DCC: variants seen among roughly 807,000 people sequenced by gnomAD.
DCC encodes the protein DCC netrin 1 receptor, also known as netrin receptor DCC.
DCC carries 58 observed loss-of-function variants against 172.5 expected under a neutral mutation model. The observed-to-expected ratio is 0.34, with a 90% CI of 0.27 to 0.42. DCC has a LOEUF of 0.42. Among genes scored for constraint, DCC ranks in the 10% least tolerant of loss-of-function variants. The pLI, the probability that DCC is intolerant of heterozygous loss-of-function variation, is 1.00. For missense variants in DCC, 1,740 were observed against 1,791.0 expected, an observed-to-expected ratio of 0.97 and a Z score of 0.51; for synonymous variants, 709 against 644.5, an observed-to-expected ratio of 1.10 and a Z score of -1.52.
At chr18:53,495,395 A>AC in intron 26 of DCC, among the ~76,000 whole-genome samples, 1 of 151,016 alleles carries the variant, frequency 6.6e-6, no homozygotes, top group Middle Eastern at 3.5e-3. Flanking sequence ...ATCTCAAAAA[A>AC]AAAAAAAAAA....
At chr18:52,373,097 A>G (rs191956273) in intron 1 of DCC, among the ~76,000 whole-genome samples, 1 of 152,088 alleles carries the variant, frequency 6.6e-6, no homozygotes, top group Non-Finnish European at 1.5e-5. Flanking sequence ...CAGATTTTTT[A>G]AAAAAATGTA....
chr18:52,373,850 C>T (rs1005930567), intron 1 of DCC, among the ~76,000 whole-genome samples: 1 of 149,734 alleles, frequency 6.7e-6, no homozygotes, highest in Admixed American at 6.6e-5. Context: ...AATAAGAAAA[C>T]AATCACTTGG....
chr18:53,407,532 T>G lies in DCC; in HGVS notation c.2936-2920T>G, dbSNP rs1348404615. Among the ~76,000 whole-genome samples, 62 of 115,670 alleles carry G rather than the reference T, an allele frequency of 5.4e-4. 1 individual carries two copies. Among genetic ancestry groups the G allele is most frequent in the African/African-American group, 3.8e-3 (61 of 16,170 alleles). 75.9% of individuals were successfully genotyped at this position (115,670 alleles called of 152,430 possible). A position where few individuals can be genotyped will look rare whatever the true frequency, so the allele number is the denominator to read the frequency against. ...TCTCCAGTGATTTTTATTCTGGATA[T>G]ATATATATATATATATATATATATT... On this transcript the variant is annotated intron_variant, in intron 19 of 28. Coordinates refer to ENST00000442544, the MANE Select transcript of DCC (RefSeq NM_005215.4).
At chr18:52,492,573 C>T (rs182922207) in intron 1 of DCC, among the ~76,000 whole-genome samples, 1 of 151,768 alleles carries the variant, frequency 6.6e-6, no homozygotes, top group East Asian at 1.9e-4. Context: ...TTCATGATTT[C>T]TCCTTGCTGA....
At chr18:53,147,892 T>C (rs1461759965) in intron 7 of DCC, among the ~76,000 whole-genome samples, 1 of 152,214 alleles carries the variant, frequency 6.6e-6, no homozygotes, top group Non-Finnish European at 1.5e-5. Context: ...GCCATTTTAA[T>C]GAGTTGCCTA....
At chr18:52,507,882 C>A (rs1314256817) in intron 1 of DCC, among the ~76,000 whole-genome samples, 1 of 152,068 alleles carries the variant, frequency 6.6e-6, no homozygotes, top group East Asian at 1.9e-4. Context: ...AGGTGGATCA[C>A]CTGAGGTCAG....
At chr18:53,070,563 G>A (rs982241863) in intron 7 of DCC, among the ~76,000 whole-genome samples, 2 of 152,066 alleles carry the variant, frequency 1.3e-5, no homozygotes, top group African/African-American at 4.8e-5. Context: ...GATTTGTTTA[G>A]GTCTATGTGA....
chr18:53,252,303 T>G (rs76520822), intron 12 of DCC, among the ~76,000 whole-genome samples: 2,354 of 151,806 alleles, frequency 0.016, 55 homozygotes, highest in African/African-American at 0.053. Flanking sequence ...CAGAATAAAA[T>G]AGAAATAAAG....
chr18:53,381,296 C>A (rs548464909), intron 15 of DCC, among the ~76,000 whole-genome samples: 122 of 151,884 alleles, frequency 8.0e-4, no homozygotes, highest in African/African-American at 2.7e-3. Flanking sequence ...GTTACAGAAG[C>A]TTTTACAGAG....
intron 1 of DCC, among the ~76,000 whole-genome samples, chr18:52,371,156 TAAA>T (rs11296410): frequency 6.6e-6 from 1 of 150,780 alleles, no homozygotes; most frequent in Admixed American, 6.6e-5. Context: ...TTGGCTGATT[TAAA>T]AAAAAAAATC....
intron 13 of DCC, among the ~76,000 whole-genome samples, chr18:53,307,088 T>C (rs1171805743): frequency 6.6e-6 from 1 of 152,202 alleles, no homozygotes; most frequent in African/African-American, 2.4e-5. Context: ...TGAAAGTAAC[T>C]TGTTTATTTA....
intron 25 of DCC, among the ~76,000 whole-genome samples, chr18:53,469,741 C>T (rs1462225572): frequency 6.6e-6 from 1 of 152,016 alleles, no homozygotes; most frequent in Non-Finnish European, 1.5e-5. Context: ...CTCAATGCCA[C>T]TTCCCCCTCC....
intron 5 of DCC, among the ~76,000 whole-genome samples, chr18:52,967,234 C>G (rs749646003): frequency 3.9e-5 from 6 of 152,086 alleles, no homozygotes; most frequent in Non-Finnish European, 5.9e-5. Flanking sequence ...TATATAAGTC[C>G]TATTGTTTTA....
chr18:53,165,242 C>A (rs1410181285), intron 8 of DCC, among the ~76,000 whole-genome samples: 5 of 152,182 alleles, frequency 3.3e-5, no homozygotes, highest in Non-Finnish European at 7.3e-5. Context: ...AAAGGCTGAA[C>A]TAGGTGTTCC....
At chr18:52,492,287 T>C (rs2030540190) in intron 1 of DCC, among the ~76,000 whole-genome samples, 1 of 151,798 alleles carries the variant, frequency 6.6e-6, no homozygotes, top group Non-Finnish European at 1.5e-5. Context: ...GGAAAGATAG[T>C]CACAACTGGA....
rs1035705981 is a variant in DCC at position 53,251,336 on chromosome 18, G to A, written c.1911+35739G>A. 3.3e-5 allele frequency among the ~76,000 whole-genome samples: 5 copies of A among 151,762 alleles called. No homozygotes were observed. The East Asian group carries it at 7.7e-4, about 24-fold the overall frequency. ...ACAATATCTGTCTTTTGTTTTGAAC[G>A]TACCTTCTTACCTATTCCACATTGG... On this transcript the variant is annotated intron_variant, in intron 12 of 28. Transcript: ENST00000442544.
chr18:53,274,928 T>C (rs1005894720), intron 12 of DCC, among the ~76,000 whole-genome samples: 1 of 152,140 alleles, frequency 6.6e-6, no homozygotes, highest in African/African-American at 2.4e-5. Flanking sequence ...GGGGAAGCAC[T>C]GAGCCTCAGA....
intron 12 of DCC, among the ~76,000 whole-genome samples, chr18:53,293,111 GT>G (rs1361900386): frequency 3.9e-5 from 6 of 152,166 alleles, no homozygotes; most frequent in African/African-American, 1.4e-4. Flanking sequence ...AGATAATGTT[GT>G]AATACATACA....
intron 1 of DCC, among the ~76,000 whole-genome samples, chr18:52,489,271 AC>A (rs1160351362): frequency 6.6e-6 from 1 of 152,106 alleles, no homozygotes; most frequent in Non-Finnish European, 1.5e-5. Flanking sequence ...TTAGATTCCT[AC>A]CAACTTTCTG....
Sources: gnomAD v4.1 joint callset for allele counts (sites outside exome capture counted in the v4.1 genomes callset) on GRCh38, gnomAD v4.1.1 for gene constraint, MANE v1.5 for transcripts, NCBI Gene and HGNC (gene_info 2026-07-23, HGNC 2026-07-21) for gene names.